Variants in SH2D3C observed in about 807,000 individuals in gnomAD.
SH2D3C encodes SH2 domain containing 3C.
Under a neutral mutation model 75.2 loss-of-function variants are expected in SH2D3C, and 25 were observed. The observed-to-expected ratio is 0.33, with a 90% CI of 0.24 to 0.46. The LOEUF is 0.46. Ranked by LOEUF, SH2D3C falls within the 20% of genes least tolerant of loss-of-function variation. SH2D3C has a pLI of 1.00. For missense variants in SH2D3C, 933 were observed against 1,165.3 expected (o/e 0.80, Z 2.90); for synonymous variants, 450 against 473.7 (o/e 0.95, Z 0.65).
Position 127,741,923 on chromosome 9 carries a change from G to T in SH2D3C, c.1953C>A (p.Ile651=), listed in dbSNP as rs1844869729. The T allele has an allele frequency of 3.1e-6, 5 of 1,612,868 alleles. No individual in the cohort carries two copies. Among genetic ancestry groups the T allele is most frequent in the Non-Finnish European group, 3.4e-6 (4 of 1,179,922 alleles). ...HTMSIMLAVD[I]LGCTGSAEER... ...CCTCCGCAGAGCCGGTGCAGCCCAG[G>T]ATGTCCACGGCCAGCATGATGGACA... The change falls in exon 9 of 12, where the codon ATC becomes ATA. Residue 651 remains isoleucine, a synonymous_variant. Coordinates refer to ENST00000314830, the MANE Select transcript of SH2D3C (RefSeq NM_170600.3).
chr9:127,748,185 G>A (rs1409946342), intron 5 of SH2D3C, among the ~76,000 whole-genome samples: 2 of 152,182 alleles, frequency 1.3e-5, no homozygotes, highest in African/African-American at 4.8e-5. Context: ...CTAGCAGGAA[G>A]AGTAGTGAGC....
At chr9:127,757,888 T>C (rs111721521) in intron 3 of SH2D3C, among the ~76,000 whole-genome samples, 12 of 152,094 alleles carry the variant, frequency 7.9e-5, no homozygotes, top group African/African-American at 2.9e-4. Flanking sequence ...CTTGAACTCC[T>C]GACCTCAAGT....
intron 9 of SH2D3C, among the ~76,000 whole-genome samples, chr9:127,741,103 C>T (rs1196408958): frequency 1.3e-5 from 2 of 152,238 alleles, no homozygotes; most frequent in African/African-American, 4.8e-5. Context: ...CTGTCTCAAA[C>T]ACTCCATTTG....
intron 7 of SH2D3C, 84 bp from the exon 8 acceptor site, chr9:127,743,048 G>T: frequency 2.1e-6 from 2 of 932,282 alleles, no homozygotes; most frequent in Middle Eastern, 2.2e-4. Context: ...TATCTAAGGG[G>T]GTAGGTAGCC....
At chr9:127,748,042 T>G (rs2131749548) in intron 5 of SH2D3C, among the ~76,000 whole-genome samples, 1 of 152,302 alleles carries the variant, frequency 6.6e-6, no homozygotes, top group Non-Finnish European at 1.5e-5. Context: ...AGAATTCAAC[T>G]ACCCCATGAG....
intron 2 of SH2D3C, among the ~76,000 whole-genome samples, chr9:127,767,960 G>C (rs567588671): frequency 1.4e-3 from 213 of 152,320 alleles, no homozygotes; most frequent in Non-Finnish European, 2.5e-3. Context: ...CTGGGGGTTT[G>C]GGGGGATGTG....
At position 127,747,178 on chromosome 9, in the gene SH2D3C, G is replaced by A. The variant is rs761676058; in HGVS notation, c.1233C>T (p.Ser411=). Residue 411 remains serine, a synonymous_variant, in exon 6 of 12, where the codon TCC becomes TCT. Coordinates refer to ENST00000314830, the MANE Select transcript of SH2D3C (RefSeq NM_170600.3). ...PDLHSPMSPI[S]ESPSSPAYST... is the part of the protein sequence containing the mutation. The stretch of plus-strand genomic sequence containing the variant: ...TGTAGGCAGGGGAGCTAGGGCTCTC[G>A]GAGATGGGCGACATGGGTGAGTGCA... The A allele has an allele frequency of 4.5e-5, 72 of 1,613,908 alleles. No homozygotes were observed. The highest frequency in any genetic ancestry group is 2.2e-4 in the South Asian group (20 of 91,076).
In SH2D3C at chr9:127,761,630, G is replaced by A; in HGVS notation, c.536C>T (p.Ala179Val). 6.2e-7 allele frequency: 1 copy of A among 1,612,262 alleles called. No individual in the cohort carries two copies. Among genetic ancestry groups the A allele is most frequent in the Non-Finnish European group, 8.5e-7 (1 of 1,179,092 alleles). Residue 179 changes from alanine (A) to valine (V), a missense_variant, in exon 3 of 12, where the codon GCT (alanine) becomes GTT (valine). Coordinates refer to ENST00000314830, the MANE Select transcript of SH2D3C (RefSeq NM_170600.3). ...HSERAAGEPE[A>V]GSDYVKFSKE... ...TCCTACCTTCACATAGTCGCTGCCA[G>A]CCTCTGGCTCTCCAGCAGCCCTGGA...
chr9:127,771,044 A>C, intron 2 of SH2D3C: 1 of 587,102 alleles, frequency 1.7e-6, no homozygotes, highest in Non-Finnish European at 2.9e-6. Flanking sequence ...TGACAAAGTT[A>C]CACCCAAAGA....
Position 127,749,706 on chromosome 9 carries a change from G to T in SH2D3C, c.685-41C>A. 3 of 1,328,838 alleles carry T rather than the reference G, an allele frequency of 2.3e-6. No individual in the cohort carries two copies. Among genetic ancestry groups the T allele is most frequent in the Non-Finnish European group, 2.1e-6 (2 of 958,578 alleles). 82.3% of individuals were successfully genotyped at this position (1,328,838 alleles called of 1,614,324 possible). On this transcript the variant is annotated intron_variant, in intron 4 of 11. Coordinates refer to ENST00000314830, the MANE Select transcript of SH2D3C (RefSeq NM_170600.3). This position sits in a 1 kb window ranked among gnomAD's most constrained non-coding sequence, Gnocchi z 5.9. The stretch of plus-strand genomic sequence containing the variant: ...TTAGGCTGGAGTAGGGTGGGGCCAG[G>T]AGAGGGTCAGACCCAGGATCTGGGG...
rs1205169040 is a variant in SH2D3C at position 127,751,291 on chromosome 9, C to T, written c.565G>A (p.Glu189Lys). ...GGCGATGAGTCCAGGATGTACTTCT[C>T]CTTGGAGAACTGGGTAGAAAACAGC... is the stretch of plus-strand genomic sequence containing the variant. ...AGSDYVKFSKEKYILDSSPEK... is the reference protein window; with the variant it reads ...AGSDYVKFSKKKYILDSSPEK... The change falls in exon 4 of 12, where the codon GAG becomes AAG. Residue 189 changes from glutamate (E) to lysine (K), a missense_variant. Transcript: ENST00000314830. This position sits in a 1 kb window ranked among gnomAD's most constrained non-coding sequence, Gnocchi z 4.1. 1.9e-6 allele frequency: 3 copies of T among 1,613,766 alleles called. No individual in the cohort carries two copies. Among genetic ancestry groups the T allele is most frequent in the Non-Finnish European group, 2.5e-6 (3 of 1,179,838 alleles).
At chr9:127,763,902 C>G (rs1845583561) in intron 2 of SH2D3C, among the ~76,000 whole-genome samples, 1 of 152,180 alleles carries the variant, frequency 6.6e-6, no homozygotes, top group Non-Finnish European at 1.5e-5. Context: ...AAGCTACAGC[C>G]CAGCAACAGT....
intron 5 of SH2D3C, among the ~76,000 whole-genome samples, chr9:127,747,630 C>T (rs1285242511): frequency 4.0e-5 from 6 of 151,820 alleles, no homozygotes. Context: ...GAACCTGCCT[C>T]CCGAGTTCAA....
chr9:127,744,438 G>A, intron 7 of SH2D3C, 126 bp downstream of exon 7: 2 of 1,222,462 alleles, frequency 1.6e-6, no homozygotes, highest in Non-Finnish European at 2.3e-6. Flanking sequence ...AGCAGGCAAA[G>A]GACAGCCATG....
intron 2 of SH2D3C, among the ~76,000 whole-genome samples, chr9:127,766,639 G>A (rs527803467): frequency 5.3e-5 from 8 of 152,196 alleles, no homozygotes; most frequent in African/African-American, 1.9e-4. Flanking sequence ...TCATGATCTC[G>A]GCTCACTGCA....
chr9:127,766,078 C>A (rs950146779), intron 2 of SH2D3C, among the ~76,000 whole-genome samples: 5 of 152,192 alleles, frequency 3.3e-5, no homozygotes, highest in African/African-American at 1.2e-4. Flanking sequence ...CTGAGCTTCA[C>A]CCTCAGGGCC....
At chr9:127,741,525 C>T (rs1416542382) in intron 9 of SH2D3C, among the ~76,000 whole-genome samples, 5 of 152,188 alleles carry the variant, frequency 3.3e-5, no homozygotes, top group African/African-American at 1.2e-4. Flanking sequence ...GCATGAGCCA[C>T]GGCACCCGGC....
At chr9:127,762,121 C>T in intron 2 of SH2D3C, 6 of 1,062,662 alleles carry the variant, frequency 5.6e-6, no homozygotes, top group Non-Finnish European at 5.9e-6. Context: ...GTCCTCTTAC[C>T]CTGCACTCAC....
rs376947206 is a variant in SH2D3C at position 127,766,559 on chromosome 9, T to TTTTG, written c.516-4913_516-4910dup. Among the ~76,000 whole-genome samples the TTTTG allele has an allele frequency of 3.4e-3, 518 of 152,058 alleles. 8 individuals are homozygous for TTTTG. The East Asian group carries it at 0.055, about 16-fold the overall frequency. ...GGGCTGAAGTTTCTTTCCTTCCTGT[T>TTTTG]TTTGTTTGTTTGTTTGTTTGTTTGT... is the stretch of plus-strand genomic sequence containing the variant. On this transcript the variant is annotated intron_variant, in intron 2 of 11. Transcript: ENST00000314830.
Sources: gnomAD v4.1 joint callset for allele counts (sites outside exome capture counted in the v4.1 genomes callset) on GRCh38, gnomAD v4.1.1 for gene constraint, Gnocchi (gnomAD v3.1) non-coding constraint, MANE v1.5 for transcripts, NCBI Gene and HGNC (gene_info 2026-07-23, HGNC 2026-07-21) for gene names.